The following KLF12 variants were observed in gnomAD, a reference collection of about 807,000 sequenced individuals.
The protein encoded by KLF12 is Krueppel-like factor 12.
KLF12 carries 9 observed loss-of-function variants against 37.8 expected under a neutral mutation model. The observed-to-expected ratio is 0.24, with a 90% CI of 0.14 to 0.42. The LOEUF is 0.42. Ranked by LOEUF, KLF12 falls within the 10% of genes least tolerant of loss-of-function variation. The probability of loss-of-function intolerance (pLI) is 1.00; values close to 1 mark genes in which losing one functional copy is unlikely to be tolerated. For synonymous variants in KLF12, 208 were observed against 202.1 expected (o/e 1.03, Z -0.25); for missense variants, 411 against 516.0 (o/e 0.80, Z 1.97).
intron 3 of KLF12, among the ~76,000 whole-genome samples, chr13:73,859,256 G>A (rs144295718): frequency 6.6e-6 from 1 of 152,152 alleles, no homozygotes; most frequent in Non-Finnish European, 1.5e-5. Flanking sequence ...CAGGGAGCAG[G>A]GGCAGGCAAG....
intron 3 of KLF12, among the ~76,000 whole-genome samples, chr13:73,926,824 T>C (rs1009541095): frequency 1.3e-5 from 2 of 152,016 alleles, no homozygotes; most frequent in South Asian, 4.1e-4. Context: ...TCAGTGCATA[T>C]CTGTAGAATT....
intron 3 of KLF12, among the ~76,000 whole-genome samples, chr13:73,939,281 A>G (rs1197816483): frequency 6.6e-6 from 1 of 152,226 alleles, no homozygotes; most frequent in African/African-American, 2.4e-5. Context: ...GTTTTCAAAA[A>G]TATTTTTATT....
the KLF12 span, among the ~76,000 whole-genome samples, chr13:74,228,513 G>A: frequency 6.6e-6 from 1 of 152,058 alleles, no homozygotes; most frequent in African/African-American, 2.4e-5. Flanking sequence ...TTGTGAGTAA[G>A]GAAATATTAA....
chr13:74,221,772 A>G, the KLF12 span, among the ~76,000 whole-genome samples: 4 of 152,202 alleles, frequency 2.6e-5, no homozygotes, highest in Non-Finnish European at 4.4e-5. Flanking sequence ...TGAGGGGTGC[A>G]TGATCTTGGG....
intron 3 of KLF12, among the ~76,000 whole-genome samples, chr13:73,863,288 T>A (rs1046686529): frequency 1.3e-5 from 2 of 152,172 alleles, no homozygotes; most frequent in Non-Finnish European, 2.9e-5. Flanking sequence ...TCTTATGTGA[T>A]AAATTAGAGA....
intron 1 of KLF12, among the ~76,000 whole-genome samples, chr13:74,021,453 G>A (rs1892839373): frequency 6.6e-6 from 1 of 152,144 alleles, no homozygotes; most frequent in African/African-American, 2.4e-5. Context: ...GTTCGTTTGT[G>A]ACGCAGGGGA....
At chr13:74,070,488 G>T (rs950982201) in intron 1 of KLF12, among the ~76,000 whole-genome samples, 13 of 149,660 alleles carry the variant, frequency 8.7e-5, no homozygotes, top group African/African-American at 3.2e-4. Context: ...GGAATATGGG[G>T]TTTTGTTTGT....
At chr13:73,899,874 AG>A (rs1166043759) in intron 3 of KLF12, among the ~76,000 whole-genome samples, 1 of 152,148 alleles carries the variant, frequency 6.6e-6, no homozygotes, top group South Asian at 2.1e-4. Flanking sequence ...TCCAGCTTGC[AG>A]ACAGCCTACT....
In KLF12 at chr13:73,695,469, C is replaced by T; in HGVS notation, c.*21G>A. 6.2e-7 allele frequency: 1 copy of T among 1,610,618 alleles called. No individual in the cohort carries two copies. The highest frequency in any genetic ancestry group is 8.5e-7 in the Non-Finnish European group (1 of 1,177,820). Reference sequence around the variant, plus strand: ...CGCTAAGAGATCCAGCTCTTACGCTCAGCTGGACAGGTAGCATTCCTCACA... The same window carrying T: ...CGCTAAGAGATCCAGCTCTTACGCTTAGCTGGACAGGTAGCATTCCTCACA... On this transcript the variant is annotated 3_prime_UTR_variant, in exon 8 of 8. Coordinates refer to ENST00000377669, the MANE Select transcript of KLF12 (RefSeq NM_007249.5).
chr13:74,059,566 T>C (rs947465859), intron 1 of KLF12, among the ~76,000 whole-genome samples: 3 of 152,256 alleles, frequency 2.0e-5, no homozygotes. Context: ...TTCATGTTTG[T>C]TGGCCACTTA....
the KLF12 span, among the ~76,000 whole-genome samples, chr13:74,203,540 A>T: frequency 3.9e-5 from 6 of 152,124 alleles, no homozygotes; most frequent in Non-Finnish European, 8.8e-5. Flanking sequence ...TAAGGCAAAA[A>T]AAGGTAATGC....
intron 1 of KLF12, among the ~76,000 whole-genome samples, chr13:74,110,796 A>G (rs1325034230): frequency 6.6e-6 from 1 of 152,224 alleles, no homozygotes; most frequent in Non-Finnish European, 1.5e-5. Flanking sequence ...ATTAAACATA[A>G]GAACTCAAGG....
At chr13:74,009,848 C>G (rs1056985371) in intron 1 of KLF12, among the ~76,000 whole-genome samples, 5 of 152,186 alleles carry the variant, frequency 3.3e-5, no homozygotes, top group Admixed American at 2.6e-4. Context: ...ACTCTAGCTA[C>G]CATTTGGGAA....
the KLF12 span, among the ~76,000 whole-genome samples, chr13:74,183,807 C>G: frequency 6.6e-6 from 1 of 152,098 alleles, no homozygotes; most frequent in Non-Finnish European, 1.5e-5. Flanking sequence ...CATGGTGGCA[C>G]ATGCCTGTAA....
the KLF12 span, among the ~76,000 whole-genome samples, chr13:74,266,255 A>T: frequency 2.4e-4 from 36 of 152,226 alleles, no homozygotes; most frequent in Non-Finnish European, 5.0e-4. Context: ...TCATTTAAAA[A>T]ATCAAAGTTA....
At chr13:74,074,861 C>T (rs1388787773) in intron 1 of KLF12, among the ~76,000 whole-genome samples, 1 of 152,032 alleles carries the variant, frequency 6.6e-6, no homozygotes, top group African/African-American at 2.4e-5. Context: ...GAGGAAGTGA[C>T]AGATAATGCT....
chr13:74,038,888 T>G (rs1762988961), intron 1 of KLF12, among the ~76,000 whole-genome samples: 1 of 152,032 alleles, frequency 6.6e-6, no homozygotes, highest in Non-Finnish European at 1.5e-5. Flanking sequence ...ATGTAAAACT[T>G]AGGGACGATA....
At chr13:73,751,264 G>A (rs1290696138) in intron 6 of KLF12, among the ~76,000 whole-genome samples, 1 of 152,084 alleles carries the variant, frequency 6.6e-6, no homozygotes, top group Non-Finnish European at 1.5e-5. Context: ...ACCCATTAAT[G>A]AGACCCCTGG....
chr13:74,192,236 T>C, the KLF12 span, among the ~76,000 whole-genome samples: 1 of 152,062 alleles, frequency 6.6e-6, no homozygotes, highest in African/African-American at 2.4e-5. Flanking sequence ...AAGCAGTCTG[T>C]TAGTTTATGT....
Sources: allele counts gnomAD v4.1 joint callset (sites outside exome capture counted in the v4.1 genomes callset), GRCh38; gene constraint gnomAD v4.1.1; transcripts MANE v1.5; gene names NCBI Gene and HGNC (gene_info 2026-07-23, HGNC 2026-07-21).